Variants in RANBP10 observed in about 807,000 individuals in gnomAD.
RANBP10 encodes RAN binding protein 10, also known as ran-binding protein 10.
A neutral mutation model predicts 72.8 loss-of-function variants in RANBP10; 24 were observed. That is an observed-to-expected ratio of 0.33 (90% CI 0.24 to 0.46). The LOEUF is 0.46. RANBP10 is among the 20% of genes least tolerant of loss of function. The probability of loss-of-function intolerance (pLI) is 1.00; values close to 1 mark genes in which losing one functional copy is unlikely to be tolerated. For synonymous variants in RANBP10, 310 were observed against 322.3 expected, an observed-to-expected ratio of 0.96 and a Z score of 0.41; for missense variants, 679 against 817.5, an observed-to-expected ratio of 0.83 and a Z score of 2.07.
At chr16:67,746,951 T>TTG (rs1160199327) in intron 3 of RANBP10, among the ~76,000 whole-genome samples, 7 of 152,232 alleles carry the variant, frequency 4.6e-5, no homozygotes, top group Non-Finnish European at 7.3e-5. Flanking sequence ...GACATTTGAG[T>TTG]TGTTATAATT....
intron 2 of RANBP10, among the ~76,000 whole-genome samples, chr16:67,792,520 C>T (rs2143019050): frequency 6.6e-6 from 1 of 151,694 alleles, no homozygotes; most frequent in South Asian, 2.1e-4. Flanking sequence ...CGAGATCCCG[C>T]CACTGCAGTC....
At chr16:67,732,142 A>C (rs1567674629) in intron 6 of RANBP10, among the ~76,000 whole-genome samples, 1 of 152,156 alleles carries the variant, frequency 6.6e-6, no homozygotes, top group Non-Finnish European at 1.5e-5. Context: ...CTAGTGAGTG[A>C]GTGATGGGAA....
rs1300607634 is a variant in RANBP10, at chr16:67,730,005, T to G, written c.931A>C (p.Ile311Leu). The G allele has an allele frequency of 8.7e-6, 14 of 1,613,458 alleles. No homozygotes were observed. Among genetic ancestry groups the G allele is most frequent in the Non-Finnish European group, 1.2e-5 (14 of 1,179,998 alleles). Residue 311 changes from isoleucine to leucine, a missense_variant, in exon 8 of 14, where the codon ATC becomes CTC. Ile to Leu is a conservative substitution (Grantham distance 5). Coordinates refer to ENST00000317506, the MANE Select transcript of RANBP10 (RefSeq NM_020850.3). The surrounding 1 kb of genome is among the most constrained non-coding windows in gnomAD (Gnocchi z 4.3). ...GGGTAGAAGCGCTGGGTGGTCTCGA[T>G]GGCCTCGCCCACACGGCCCTCCAGC... Reference protein sequence around the residue: ...LVLEGRVGEAIETTQRFYPGL... With the variant: ...LVLEGRVGEALETTQRFYPGL...
intron 3 of RANBP10, among the ~76,000 whole-genome samples, chr16:67,769,795 C>T (rs1475757655): frequency 2.9e-5 from 4 of 140,124 alleles, no homozygotes; most frequent in Non-Finnish European, 6.1e-5. Flanking sequence ...ACCAGGCAGG[C>T]TGGCTCATGC....
At position 67,806,560 on chromosome 16, in the gene RANBP10, C is replaced by T; in HGVS notation, c.-24G>A. ...ATCTTGGAGGGAGCTACTATTGTGT[C>T]ACTGGGGGCGGGGAGGAGCGGGACC... is the stretch of plus-strand genomic sequence containing the variant. On this transcript the variant is annotated 5_prime_UTR_variant, in exon 1 of 14. Transcript: ENST00000317506. The T allele has an allele frequency of 6.8e-7, 1 of 1,462,396 alleles. No individual in the cohort carries two copies. The highest frequency in any genetic ancestry group is 1.4e-5 in the South Asian group (1 of 71,960). 90.6% of individuals were successfully genotyped at this position (1,462,396 alleles called of 1,614,324 possible).
chr16:67,801,860 T>C (rs2055239681), intron 2 of RANBP10, among the ~76,000 whole-genome samples: 1 of 151,950 alleles, frequency 6.6e-6, no homozygotes, highest in Non-Finnish European at 1.5e-5. Context: ...TTTGGAAGGC[T>C]GAGGTGGAAG....
intron 2 of RANBP10, among the ~76,000 whole-genome samples, chr16:67,796,414 T>G (rs1210950000): frequency 6.6e-6 from 1 of 152,114 alleles, no homozygotes; most frequent in Non-Finnish European, 1.5e-5. Flanking sequence ...GCCTTGGGAC[T>G]CTCCTTTAGA....
chr16:67,774,717 T>A (rs1401406058), intron 2 of RANBP10, among the ~76,000 whole-genome samples: 3 of 152,026 alleles, frequency 2.0e-5, no homozygotes, highest in Non-Finnish European at 4.4e-5. Flanking sequence ...CACAGCTGAG[T>A]CAGGGTTCAA....
intron 2 of RANBP10, among the ~76,000 whole-genome samples, chr16:67,784,155 T>C (rs1352991849): frequency 1.3e-5 from 2 of 151,964 alleles, no homozygotes; most frequent in Non-Finnish European, 2.9e-5. Flanking sequence ...AATCCAACAG[T>C]GTATTAAAAG....
chr16:67,750,210 A>C (rs2054168194), intron 3 of RANBP10, among the ~76,000 whole-genome samples: 1 of 152,120 alleles, frequency 6.6e-6, no homozygotes, highest in South Asian at 2.1e-4. Flanking sequence ...GGCACACCCC[A>C]TCCAGCAAAG....
chr16:67,788,148 T>C (rs1193663946), intron 2 of RANBP10, among the ~76,000 whole-genome samples: 1 of 151,524 alleles, frequency 6.6e-6, no homozygotes, highest in African/African-American at 2.4e-5. Context: ...CAAGCAATCC[T>C]CTTGCTTCAG....
At position 67,729,835 on chromosome 16, in the gene RANBP10, A is replaced by G. The variant is rs369884770; in HGVS notation, c.999-7T>C. ...CTCCACAAACTGCCGGCACCTGTGG[A>G]GGGAGCGGAGCAATAATGCTCTGGT... On this transcript the variant is annotated splice_polypyrimidine_tract_variant and splice_region_variant and intron_variant, in intron 8 of 13. Transcript: ENST00000317506. The surrounding 1 kb of genome is among the most constrained non-coding windows in gnomAD (Gnocchi z 7.1). 1.2e-6 allele frequency: 2 copies of G among 1,613,522 alleles called. No individual in the cohort carries two copies. The highest frequency in any genetic ancestry group is 1.3e-5 in the African/African-American group (1 of 74,878).
intron 3 of RANBP10, 150 bp downstream of exon 3, chr16:67,771,884 G>T: frequency 2.4e-6 from 2 of 846,822 alleles, no homozygotes; most frequent in Non-Finnish European, 3.7e-6. Flanking sequence ...TGGCCCAAGG[G>T]CTACCTTTCA....
chr16:67,740,877 G>A (rs933601792), intron 4 of RANBP10, among the ~76,000 whole-genome samples: 6 of 152,198 alleles, frequency 3.9e-5, no homozygotes, highest in Non-Finnish European at 8.8e-5. Context: ...ATGCTGGCAG[G>A]ACTGAATCTG....
chr16:67,769,221 T>A (rs2054560575), intron 3 of RANBP10, among the ~76,000 whole-genome samples: 1 of 148,934 alleles, frequency 6.7e-6, no homozygotes, highest in Non-Finnish European at 1.5e-5. Flanking sequence ...ATGGGTGGAC[T>A]GCTTGAGCTC....
At chr16:67,742,591 T>A (rs900608199) in intron 4 of RANBP10, among the ~76,000 whole-genome samples, 2 of 152,182 alleles carry the variant, frequency 1.3e-5, no homozygotes, top group African/African-American at 4.8e-5. Flanking sequence ...ACCTTGGGAC[T>A]TGACTGACAA....
chr16:67,752,988 C>G (rs1348500386), intron 3 of RANBP10, among the ~76,000 whole-genome samples: 1 of 151,984 alleles, frequency 6.6e-6, no homozygotes, highest in Non-Finnish European at 1.5e-5. Context: ...GCCTATAATC[C>G]CAGCATTTTG....
intron 2 of RANBP10, among the ~76,000 whole-genome samples, chr16:67,804,709 A>G (rs1383902222): frequency 2.6e-5 from 4 of 151,920 alleles, no homozygotes; most frequent in African/African-American, 9.7e-5. Context: ...TTGTATTTTT[A>G]GTAGAGACAG....
At chr16:67,785,882 C>T (rs1376717160) in intron 2 of RANBP10, among the ~76,000 whole-genome samples, 2 of 151,514 alleles carry the variant, frequency 1.3e-5, no homozygotes, top group African/African-American at 2.4e-5. Context: ...AAAAATTAGC[C>T]GAGCATGGTG....
Sources: gnomAD v4.1 joint callset for allele counts (sites outside exome capture counted in the v4.1 genomes callset) on GRCh38, gnomAD v4.1.1 for gene constraint, Gnocchi (gnomAD v3.1) non-coding constraint, MANE v1.5 for transcripts, NCBI Gene and HGNC (gene_info 2026-07-23, HGNC 2026-07-21) for gene names.